The following TOX variants were observed in gnomAD, a reference collection of about 807,000 sequenced individuals.
TOX encodes thymocyte selection associated high mobility group box, also known as thymocyte selection-associated high mobility group box protein TOX.
In TOX, 11 loss-of-function variants were observed where a neutral mutation model predicts 53.7. The ratio of observed to expected loss-of-function variants is 0.20; its 90% confidence interval spans 0.13 to 0.34. The LOEUF is 0.34. TOX is among the 10% of genes least tolerant of loss of function. The pLI, the probability that TOX is intolerant of heterozygous loss-of-function variation, is 1.00. For missense variants in TOX, 570 were observed against 664.6 expected (o/e 0.86, Z 1.56); for synonymous variants, 225 against 245.3 (o/e 0.92, Z 0.77).
At chr8:59,108,276 C>A (rs1486619915) in intron 1 of TOX, among the ~76,000 whole-genome samples, 1 of 152,178 alleles carries the variant, frequency 6.6e-6, no homozygotes, top group East Asian at 1.9e-4. Context: ...CAATTGCTTG[C>A]CAGAGTTGTC....
intron 1 of TOX, among the ~76,000 whole-genome samples, chr8:59,089,139 G>C (rs1280445178): frequency 6.6e-6 from 1 of 152,208 alleles, no homozygotes; most frequent in African/African-American, 2.4e-5. Flanking sequence ...GCTTCATGCT[G>C]ATAATAGACC....
intron 1 of TOX, among the ~76,000 whole-genome samples, chr8:59,100,093 G>A (rs1481260896): frequency 6.6e-6 from 1 of 151,776 alleles, no homozygotes; most frequent in African/African-American, 2.4e-5. Flanking sequence ...TGAATTATTT[G>A]AAGTAGAAAA....
At chr8:59,046,005 A>T (rs889837233) in intron 1 of TOX, among the ~76,000 whole-genome samples, 1 of 152,180 alleles carries the variant, frequency 6.6e-6, no homozygotes, top group African/African-American at 2.4e-5. Context: ...TCCTGCAATC[A>T]CAAATAGTGC....
chr8:58,822,791 T>C (rs1349645821), intron 6 of TOX, among the ~76,000 whole-genome samples: 2 of 152,206 alleles, frequency 1.3e-5, no homozygotes, highest in African/African-American at 4.8e-5. Context: ...ATTAAAAACA[T>C]TTGAGAATCA....
At chr8:59,023,357 G>T (rs1814172753) in intron 1 of TOX, among the ~76,000 whole-genome samples, 1 of 5,144 alleles carries the variant, frequency 1.9e-4, no homozygotes, top group African/African-American at 3.9e-4. Context: ...GGTACTCTAT[G>T]ACTCTAATTT....
chr8:59,105,122 T>G (rs77188317), intron 1 of TOX, among the ~76,000 whole-genome samples: 9,812 of 152,230 alleles, frequency 0.064, 1,032 homozygotes, highest in African/African-American at 0.22. Context: ...AAATTTTTTT[T>G]AAGAAGTTGA....
intron 3 of TOX, among the ~76,000 whole-genome samples, chr8:58,906,707 C>T (rs933126982): frequency 9.9e-5 from 15 of 152,238 alleles, no homozygotes; most frequent in East Asian, 3.9e-4. Context: ...TTTTTATAAA[C>T]GCTACATTTT....
At chr8:59,097,793 A>C (rs1252385671) in intron 1 of TOX, among the ~76,000 whole-genome samples, 1 of 152,234 alleles carries the variant, frequency 6.6e-6, no homozygotes, top group African/African-American at 2.4e-5. Flanking sequence ...TTATGAACAT[A>C]CAGTTTTAAT....
rs1374136978 is a variant in TOX at position 59,017,401 on chromosome 8, ATGGT to A, written c.103-57397_103-57394del. 7.1e-4 allele frequency among the ~76,000 whole-genome samples: 108 copies of A among 152,308 alleles called. 1 individual carries two copies. Among genetic ancestry groups the A allele is most frequent in the African/African-American group, 2.4e-3 (101 of 41,574 alleles). On this transcript the variant is annotated intron_variant, in intron 1 of 8. Coordinates refer to ENST00000361421, the MANE Select transcript of TOX (RefSeq NM_014729.3). ...TCAGCTCTCTACAATATCCTTCAAA[ATGGT>A]ACCTGAGGCACGGTATCATCCCCTG...
intron 1 of TOX, among the ~76,000 whole-genome samples, chr8:59,108,511 T>A (rs1804952534): frequency 6.6e-6 from 1 of 152,190 alleles, no homozygotes; most frequent in Admixed American, 6.5e-5. Flanking sequence ...GCATGACAAA[T>A]GTACCATTGT....
At chr8:58,999,346 T>C (rs1200451626) in intron 1 of TOX, among the ~76,000 whole-genome samples, 1 of 151,092 alleles carries the variant, frequency 6.6e-6, no homozygotes, top group Non-Finnish European at 1.5e-5. Flanking sequence ...ACCAATAAAT[T>C]AAAGCACTAT....
chr8:58,987,048 C>T (rs1266482690), intron 1 of TOX, among the ~76,000 whole-genome samples: 1 of 152,180 alleles, frequency 6.6e-6, no homozygotes, highest in Non-Finnish European at 1.5e-5. Context: ...TATTTGCACA[C>T]GTTTGGAGAA....
intron 3 of TOX, among the ~76,000 whole-genome samples, chr8:58,852,513 ACT>A: frequency 6.6e-6 from 1 of 152,298 alleles, no homozygotes; most frequent in African/African-American, 2.4e-5. Context: ...CCTTAATGAG[ACT>A]CACTCTTGTA....
At chr8:58,842,247 G>A (rs949137297) in intron 4 of TOX, among the ~76,000 whole-genome samples, 1 of 152,168 alleles carries the variant, frequency 6.6e-6, no homozygotes, top group Non-Finnish European at 1.5e-5. Context: ...TCAGCAGACT[G>A]CGTGGGGAAG....
intron 4 of TOX, among the ~76,000 whole-genome samples, chr8:58,845,996 G>C (rs1253448367): frequency 6.6e-6 from 1 of 152,044 alleles, no homozygotes; most frequent in Non-Finnish European, 1.5e-5. Flanking sequence ...TTGAGGTGGG[G>C]ACCCGCTGAA....
intron 3 of TOX, among the ~76,000 whole-genome samples, chr8:58,898,001 G>A (rs1180768152): frequency 6.6e-6 from 1 of 152,066 alleles, no homozygotes; most frequent in East Asian, 1.9e-4. Context: ...CTAAACTATA[G>A]CAATATCATA....
At chr8:59,063,503 A>C (rs1804028547) in intron 1 of TOX, among the ~76,000 whole-genome samples, 2 of 148,484 alleles carry the variant, frequency 1.3e-5, no homozygotes, top group Non-Finnish European at 3.0e-5. Flanking sequence ...AGCTCACTGC[A>C]ACCTCCGCCT....
At chr8:58,879,110 G>A (rs1585876105) in intron 3 of TOX, among the ~76,000 whole-genome samples, 1 of 150,928 alleles carries the variant, frequency 6.6e-6, no homozygotes, top group African/African-American at 2.4e-5. Flanking sequence ...AATTGTGTTT[G>A]AATAAGGGCA....
intron 1 of TOX, among the ~76,000 whole-genome samples, chr8:58,972,646 C>T (rs1209279058): frequency 3.3e-5 from 5 of 152,134 alleles, no homozygotes; most frequent in Admixed American, 3.3e-4. Flanking sequence ...TCAACAATTA[C>T]ATAACCTAGC....
Sources: allele counts gnomAD v4.1 joint callset (sites outside exome capture counted in the v4.1 genomes callset), GRCh38; gene constraint gnomAD v4.1.1; transcripts MANE v1.5; gene names NCBI Gene and HGNC (gene_info 2026-07-23, HGNC 2026-07-21).